The following EYS variants were observed in gnomAD, a reference collection of about 807,000 sequenced individuals.
EYS encodes EGF-like photoreceptor maintenance factor, also known as protein eyes shut homolog.
Under a neutral mutation model 282.1 loss-of-function variants are expected in EYS, and 250 were observed. The observed-to-expected ratio is 0.89, with a 90% CI of 0.80 to 0.98. EYS has a LOEUF of 0.98. Among genes scored for constraint, EYS ranks in the 50% least tolerant of loss-of-function variants. The pLI, the probability that EYS is intolerant of heterozygous loss-of-function variation, is 0.00. For missense variants in EYS, 4,016 were observed against 3,709.0 expected (o/e 1.08, Z -2.15); for synonymous variants, 1,355 against 1,282.9 (o/e 1.06, Z -1.20).
intron 1 of EYS, among the ~76,000 whole-genome samples, chr6:65,691,809 AT>A (rs1203754613): frequency 6.7e-6 from 1 of 150,012 alleles, no homozygotes; most frequent in African/African-American, 2.4e-5. Flanking sequence ...TGGCTAGCCA[AT>A]TTTCCCAACA....
chr6:65,465,706 T>TCACTTATTCC (rs1461547015), intron 5 of EYS, among the ~76,000 whole-genome samples: 1 of 152,112 alleles, frequency 6.6e-6, no homozygotes, highest in South Asian at 2.1e-4. Flanking sequence ...CCACGCATGG[T>TCACTTATTCC]CGCTTATTCC....
chr6:64,856,654 A>G (rs567700793), intron 19 of EYS, among the ~76,000 whole-genome samples: 1 of 152,196 alleles, frequency 6.6e-6, no homozygotes, highest in African/African-American at 2.4e-5. Flanking sequence ...TTATTTGTGT[A>G]TTTTGAATAT....
chr6:64,697,943 A>G (rs1178091200), intron 22 of EYS, among the ~76,000 whole-genome samples: 1 of 150,982 alleles, frequency 6.6e-6, no homozygotes, highest in Non-Finnish European at 1.5e-5. Flanking sequence ...TCCGTCTCAA[A>G]ACAAACAAAC....
Position 64,943,380 on chromosome 6 carries a change from C to T in EYS, c.2381+2413G>A, listed in dbSNP as rs148951802. On this transcript the variant is annotated intron_variant, in intron 15 of 42. Coordinates refer to ENST00000503581, the MANE Select transcript of EYS (RefSeq NM_001142800.2). ...GCAAGAGAAATAAATAAAAGGTATC[C>T]AAAAAGGAACAAAATAAGTCAAACT... is the stretch of plus-strand genomic sequence containing the variant. Among the ~76,000 whole-genome samples, 147 of 152,016 alleles carry T rather than the reference C, an allele frequency of 9.7e-4. 2 individuals carry two copies. The East Asian group carries it at 0.025, about 26-fold the overall frequency.
intron 33 of EYS, among the ~76,000 whole-genome samples, chr6:64,043,575 C>T (rs1404421198): frequency 6.6e-6 from 1 of 152,204 alleles, no homozygotes. Flanking sequence ...CACGAATATG[C>T]CCATTACTTT....
intron 2 of EYS, among the ~76,000 whole-genome samples, chr6:65,569,489 T>A (rs1764405308): frequency 1.3e-5 from 2 of 152,158 alleles, no homozygotes. Context: ...ACAAATTAGC[T>A]ACATGATTAC....
chr6:64,657,274 A>G (rs1238977385), intron 22 of EYS, among the ~76,000 whole-genome samples: 1 of 152,136 alleles, frequency 6.6e-6, no homozygotes, highest in Non-Finnish European at 1.5e-5. Context: ...GGTTTCCTGA[A>G]TACAGCACAC....
intron 22 of EYS, among the ~76,000 whole-genome samples, chr6:64,725,908 AT>A (rs1771738207): frequency 6.6e-6 from 1 of 152,132 alleles, no homozygotes; most frequent in Non-Finnish European, 1.5e-5. Context: ...TTGCTGATAC[AT>A]TTAGGTGGCC....
At chr6:65,235,425 G>C (rs1282451476) in intron 12 of EYS, among the ~76,000 whole-genome samples, 1 of 151,962 alleles carries the variant, frequency 6.6e-6, no homozygotes, top group African/African-American at 2.4e-5. Flanking sequence ...ACACAATAAG[G>C]AAAAAAGCTA....
intron 36 of EYS, among the ~76,000 whole-genome samples, chr6:63,829,904 C>T (rs929755745): frequency 6.6e-6 from 1 of 152,192 alleles, no homozygotes; most frequent in Non-Finnish European, 1.5e-5. Context: ...TGCCATTCTG[C>T]AATATTTGCT....
intron 15 of EYS, among the ~76,000 whole-genome samples, chr6:64,942,294 C>G (rs1050179186): frequency 6.9e-6 from 1 of 144,204 alleles, no homozygotes; most frequent in African/African-American, 2.6e-5. Context: ...ACTAATGATC[C>G]AATATCATAC....
intron 11 of EYS, chr6:65,302,672 A>T (rs1352561177): frequency 1.5e-6 from 2 of 1,375,750 alleles, no homozygotes; most frequent in Non-Finnish European, 2.1e-6. Context: ...ACGGGTGTGC[A>T]GGTTTCGGCA....
chr6:65,050,438 G>A (rs1338167072), intron 13 of EYS, among the ~76,000 whole-genome samples: 1 of 150,976 alleles, frequency 6.6e-6, no homozygotes. Flanking sequence ...AACTTATTAT[G>A]GACTCAGTAT....
intron 41 of EYS, among the ~76,000 whole-genome samples, chr6:63,729,291 G>C (rs1039316732): frequency 6.6e-6 from 1 of 151,992 alleles, no homozygotes. Flanking sequence ...TCTCTTTCAT[G>C]TGTCTTTGAC....
At chr6:64,873,550 G>T (rs949694772) in intron 19 of EYS, among the ~76,000 whole-genome samples, 2 of 152,086 alleles carry the variant, frequency 1.3e-5, no homozygotes, top group Admixed American at 6.6e-5. Flanking sequence ...GGTGGAGAAA[G>T]GGATGATATT....
chr6:64,839,103 T>C (rs530624804), intron 19 of EYS, among the ~76,000 whole-genome samples: 2 of 152,166 alleles, frequency 1.3e-5, no homozygotes, highest in South Asian at 4.1e-4. Flanking sequence ...ATCTTGTAAT[T>C]AAAAACATTT....
chr6:65,364,997 C>T (rs1448172175), intron 8 of EYS, among the ~76,000 whole-genome samples: 1 of 151,526 alleles, frequency 6.6e-6, no homozygotes, highest in African/African-American at 2.4e-5. Flanking sequence ...TGGTCATCTG[C>T]ATACTGTCAA....
intron 36 of EYS, among the ~76,000 whole-genome samples, chr6:63,837,909 C>T (rs1771849360): frequency 6.6e-6 from 1 of 152,124 alleles, no homozygotes; most frequent in Admixed American, 6.6e-5. Context: ...AAGAGTTTAT[C>T]AGTGAAGGCA....
intron 35 of EYS, among the ~76,000 whole-genome samples, chr6:63,948,796 G>A (rs986423614): frequency 2.6e-5 from 4 of 152,016 alleles, no homozygotes; most frequent in Non-Finnish European, 5.9e-5. Flanking sequence ...GAGGCAATGG[G>A]CATTCTGTAT....
Sources: allele counts gnomAD v4.1 joint callset (sites outside exome capture counted in the v4.1 genomes callset), GRCh38; gene constraint gnomAD v4.1.1; transcripts MANE v1.5; gene names NCBI Gene and HGNC (gene_info 2026-07-23, HGNC 2026-07-21).